The following ZBTB44 variants were observed in gnomAD, a reference collection of about 807,000 sequenced individuals.
ZBTB44 encodes the protein zinc finger and BTB domain-containing protein 44.
ZBTB44 carries 15 observed loss-of-function variants against 54.0 expected under a neutral mutation model. The observed-to-expected ratio is 0.28, with a 90% confidence interval of 0.19 to 0.43. The LOEUF (loss-of-function observed/expected upper bound fraction) is 0.43. Ranked by LOEUF, ZBTB44 falls within the 20% of genes least tolerant of loss-of-function variation. The pLI is 1.00. For synonymous variants in ZBTB44, 230 were observed against 250.1 expected (o/e 0.92, Z 0.76); for missense variants, 487 against 707.1 (o/e 0.69, Z 3.53).
At chr11:130,283,009 T>A (rs922862891) in intron 1 of ZBTB44, among the ~76,000 whole-genome samples, 3 of 148,914 alleles carry the variant, frequency 2.0e-5, no homozygotes, top group African/African-American at 7.4e-5. Flanking sequence ...TTAAAAAAAA[T>A]ATAAAATAAA....
chr11:130,271,698 A>G (rs1204469189), intron 1 of ZBTB44, among the ~76,000 whole-genome samples: 1 of 152,096 alleles, frequency 6.6e-6, no homozygotes, highest in African/African-American at 2.4e-5. Flanking sequence ...ACTCCACTCC[A>G]TATTCCGCAT....
At chr11:130,284,579 G>C (rs959517403) in intron 1 of ZBTB44, among the ~76,000 whole-genome samples, 1 of 152,086 alleles carries the variant, frequency 6.6e-6, no homozygotes, top group Non-Finnish European at 1.5e-5. Context: ...TGTACAAAAA[G>C]CACTGTTGGC....
chr11:130,279,504 C>T (rs957688915), intron 1 of ZBTB44, among the ~76,000 whole-genome samples: 4 of 152,012 alleles, frequency 2.6e-5, no homozygotes, highest in Non-Finnish European at 5.9e-5. Context: ...ATTAAAAATA[C>T]CAAAATTAGC....
chr11:130,261,187 A>G lies in ZBTB44; in HGVS notation c.687T>C (p.Pro229=), dbSNP rs200461010. ...NQPVDSSLAF[P]WTFPFGIDRR... ...GATCAATTCCAAAAGGAAAAGTCCA[A>G]GGAAAAGCTAAGGAAGAGTCAACTG... The change falls in exon 2 of 8, where the codon CCT becomes CCC. Residue 229 remains proline, a synonymous_variant. Transcript: ENST00000357899. This position sits in a 1 kb window ranked among gnomAD's most constrained non-coding sequence, Gnocchi z 4.8. 1.2e-6 allele frequency: 2 copies of G among 1,614,044 alleles called. No homozygotes were observed. Among genetic ancestry groups the G allele is most frequent in the Non-Finnish European group, 1.7e-6 (2 of 1,179,902 alleles).
intron 2 of ZBTB44, 143 bp downstream of exon 2, chr11:130,260,713 G>A: frequency 1.1e-6 from 1 of 914,410 alleles, no homozygotes; most frequent in Non-Finnish European, 1.6e-6. Flanking sequence ...AGTGCTAATA[G>A]CATCTCAAGC....
chr11:130,300,490 A>T (rs1941931106), intron 1 of ZBTB44, among the ~76,000 whole-genome samples: 1 of 152,246 alleles, frequency 6.6e-6, no homozygotes. Context: ...TTCTCTGAAA[A>T]AAATAAGCAA....
At chr11:130,257,004 T>G (rs1316232365) in intron 2 of ZBTB44, among the ~76,000 whole-genome samples, 1 of 152,026 alleles carries the variant, frequency 6.6e-6, no homozygotes, top group East Asian at 1.9e-4. Context: ...GCAGATGACA[T>G]AATTGTATAT....
intron 1 of ZBTB44, among the ~76,000 whole-genome samples, chr11:130,274,507 C>A (rs1051726214): frequency 3.3e-5 from 5 of 152,082 alleles, no homozygotes; most frequent in Admixed American, 3.3e-4. Flanking sequence ...TCATAGATGC[C>A]CCTTTTCAGG....
intron 1 of ZBTB44, among the ~76,000 whole-genome samples, chr11:130,309,630 TTAG>T (rs1342749609): frequency 6.6e-6 from 1 of 152,064 alleles, no homozygotes; most frequent in African/African-American, 2.4e-5. Flanking sequence ...TTCCAGCACT[TTAG>T]GAGGCCAGGA....
intron 2 of ZBTB44, among the ~76,000 whole-genome samples, chr11:130,243,756 C>A (rs987502939): frequency 3.3e-5 from 5 of 152,206 alleles, no homozygotes; most frequent in South Asian, 2.1e-4. Flanking sequence ...ATACTAAATT[C>A]TTTTCTAAAA....
intron 4 of ZBTB44, among the ~76,000 whole-genome samples, chr11:130,237,563 C>A (rs963705109): frequency 6.6e-6 from 1 of 152,078 alleles, no homozygotes; most frequent in African/African-American, 2.4e-5. Flanking sequence ...ATGTAATGAG[C>A]ATGACAGAAC....
At chr11:130,241,126 A>G (rs1382145111) in intron 2 of ZBTB44, among the ~76,000 whole-genome samples, 1 of 152,166 alleles carries the variant, frequency 6.6e-6, no homozygotes, top group East Asian at 1.9e-4. Flanking sequence ...CTTGATGGAC[A>G]GTTTTTTGGC....
At chr11:130,244,682 AAAAAG>A (rs200110939) in intron 2 of ZBTB44, among the ~76,000 whole-genome samples, 40,465 of 145,666 alleles carry the variant, frequency 0.28, 6,885 homozygotes, top group Non-Finnish European at 0.39. Flanking sequence ...AAAAAAAAAA[AAAAAG>A]AAAGAAAATG....
chr11:130,299,654 A>G (rs1251639994), intron 1 of ZBTB44, among the ~76,000 whole-genome samples: 1 of 152,202 alleles, frequency 6.6e-6, no homozygotes, highest in Non-Finnish European at 1.5e-5. Flanking sequence ...AAAAAACAAA[A>G]TAACAAGTCT....
rs1430289533 is a variant in ZBTB44 at position 130,314,631 on chromosome 11, A to AGC, written c.-315_-314dup. On this transcript the variant is annotated 5_prime_UTR_variant, in exon 1 of 8. Transcript: ENST00000357899. ...GGGAGTGCGAGGAGGCGGGGAGGGA[A>AGC]GCACCCCCAGCGCTCGGAGGGGCCA... The AGC allele has an allele frequency of 3.4e-4, 52 of 151,866 alleles. No individual in the cohort carries two copies. Among genetic ancestry groups the AGC allele is most frequent in the African/African-American group, 1.2e-3 (50 of 41,410 alleles). The allele number at this position is 151,866 out of a possible 1,614,324, so 9.4% of individuals were successfully genotyped here.
At chr11:130,238,225 A>G (rs1765263326) in intron 4 of ZBTB44, among the ~76,000 whole-genome samples, 1 of 152,148 alleles carries the variant, frequency 6.6e-6, no homozygotes, top group Admixed American at 6.5e-5. Context: ...CTCACTCCAT[A>G]TCACCTTATG....
chr11:130,297,099 A>T (rs12275508), intron 1 of ZBTB44, among the ~76,000 whole-genome samples: 5,020 of 152,232 alleles, frequency 0.033, 257 homozygotes, highest in African/African-American at 0.11. Flanking sequence ...TCTAAAATGA[A>T]TTTTTTCCCC....
At chr11:130,309,851 G>A (rs1205968362) in intron 1 of ZBTB44, among the ~76,000 whole-genome samples, 2 of 148,036 alleles carry the variant, frequency 1.4e-5, no homozygotes, top group Middle Eastern at 6.6e-3. Flanking sequence ...AGCTGAGATC[G>A]AGCCACTGCA....
At chr11:130,257,953 G>C (rs1024587636) in intron 2 of ZBTB44, among the ~76,000 whole-genome samples, 1 of 152,148 alleles carries the variant, frequency 6.6e-6, no homozygotes, top group Non-Finnish European at 1.5e-5. Context: ...TACTGCTTTT[G>C]AAATGACACT....
Sources: allele counts gnomAD v4.1 joint callset (sites outside exome capture counted in the v4.1 genomes callset), GRCh38; gene constraint gnomAD v4.1.1; non-coding constraint Gnocchi (gnomAD v3.1); transcripts MANE v1.5; gene names NCBI Gene and HGNC (gene_info 2026-07-23, HGNC 2026-07-21).